The following SCIN variants were observed in gnomAD, a reference collection of about 807,000 sequenced individuals.
The protein encoded by SCIN is scinderin.
SCIN carries 91 observed loss-of-function variants against 91.8 expected under a neutral mutation model. That is an observed-to-expected ratio of 0.99 (90% CI 0.84 to 1.18). The LOEUF is 1.18. Among genes scored for constraint, SCIN ranks in the 50% most tolerant of loss-of-function variants. SCIN has a pLI of 0.00. For missense variants in SCIN, 1,087 were observed against 863.9 expected (o/e 1.26, Z -3.24); for synonymous variants, 367 against 312.6 (o/e 1.17, Z -1.84).
At chr7:12,633,553 C>A (rs1783687300) in intron 9 of SCIN, among the ~76,000 whole-genome samples, 2 of 152,072 alleles carry the variant, frequency 1.3e-5, no homozygotes, top group Admixed American at 1.3e-4. Context: ...TTCAGGGTGT[C>A]ATGAGGCAGA....
chr7:12,592,821 T>C (rs991290360), intron 3 of SCIN, among the ~76,000 whole-genome samples: 3 of 152,028 alleles, frequency 2.0e-5, no homozygotes, highest in African/African-American at 7.2e-5. Flanking sequence ...TCCTGAGAAC[T>C]CAGGCAAAGC....
At chr7:12,577,012 C>T (rs1304657087) in intron 1 of SCIN, among the ~76,000 whole-genome samples, 1 of 152,092 alleles carries the variant, frequency 6.6e-6, no homozygotes, top group Non-Finnish European at 1.5e-5. Context: ...GTACTGTATC[C>T]TTTATGTACA....
chr7:12,655,853 T>C lies in SCIN; in HGVS notation c.*3138T>C, dbSNP rs1784155072. On this transcript the variant is annotated 3_prime_UTR_variant, in exon 16 of 16. Transcript: ENST00000297029. ...CTCTTCAAACCAATATATTGGCATA[T>C]TTATCTAATATTTAATCAGAAGAAA... is the stretch of plus-strand genomic sequence containing the variant. 1.3e-5 allele frequency: 2 copies of C among 152,148 alleles called. No homozygotes were observed. The highest frequency in any genetic ancestry group is 6.5e-5 in the Admixed American group (1 of 15,280). The allele number at this position is 152,148 out of a possible 1,614,324, so 9.4% of individuals were successfully genotyped here.
At chr7:12,650,169 A>G (rs1562637978) in intron 14 of SCIN, among the ~76,000 whole-genome samples, 3 of 152,220 alleles carry the variant, frequency 2.0e-5, no homozygotes, top group Non-Finnish European at 4.4e-5. Context: ...GCCTAGTCGT[A>G]GAGTCAAGCA....
intron 2 of SCIN, among the ~76,000 whole-genome samples, chr7:12,579,405 C>T (rs1562594133): frequency 6.6e-6 from 1 of 152,140 alleles, no homozygotes; most frequent in South Asian, 2.1e-4. Flanking sequence ...ACTGAAACTT[C>T]CTTTATGTCA....
At chr7:12,586,710 A>G (rs1782595824) in intron 3 of SCIN, among the ~76,000 whole-genome samples, 1 of 152,230 alleles carries the variant, frequency 6.6e-6, no homozygotes, top group Non-Finnish European at 1.5e-5. Context: ...AATAAAGAAA[A>G]TATGGTATAC....
intron 3 of SCIN, among the ~76,000 whole-genome samples, chr7:12,591,643 G>T (rs1195928717): frequency 1.3e-5 from 2 of 152,150 alleles, no homozygotes; most frequent in Non-Finnish European, 2.9e-5. Context: ...AGGGGTTTAG[G>T]GGTTCATTGG....
intron 3 of SCIN, among the ~76,000 whole-genome samples, chr7:12,600,401 A>G (rs1215933346): frequency 6.6e-6 from 1 of 152,212 alleles, no homozygotes; most frequent in Admixed American, 6.5e-5. Context: ...GGTACAGTGT[A>G]AACTGCTCGG....
chr7:12,616,464 G>C (rs1036603049), intron 4 of SCIN, among the ~76,000 whole-genome samples: 3 of 152,036 alleles, frequency 2.0e-5, no homozygotes, highest in African/African-American at 7.2e-5. Flanking sequence ...ACCAGATTCT[G>C]CTACCTTGAT....
Position 12,604,475 on chromosome 7 carries a change from C to T in SCIN, c.517-39C>T, listed in dbSNP as rs1433737760. The T allele has an allele frequency of 2.6e-6, 4 of 1,537,918 alleles. No homozygotes were observed. In the East Asian group the frequency reaches 7.4e-5, roughly 28 times the overall value. On this transcript the variant is annotated intron_variant, in intron 3 of 15. Coordinates refer to ENST00000297029, the MANE Select transcript of SCIN (RefSeq NM_001112706.3). ...TTACACTGAGGCTGAATGTCTTCCT[C>T]ATATTCTTAGGGTCAACAGATCTGT...
intron 2 of SCIN, among the ~76,000 whole-genome samples, chr7:12,578,508 G>T (rs10248988): frequency 0.56 from 84,459 of 151,860 alleles, 24,073 homozygotes; most frequent in African/African-American, 0.68. Flanking sequence ...AGATACCTTT[G>T]TAATATTTTG....
rs11287451 is a variant in SCIN, at chr7:12,611,929, TAA to T, written c.666+7278_666+7279del. ...CATAAAGTAACCCTGTCTCTTAAAA[TAA>T]AAAAAAAAAAAGATTAAGGTTGCTT... is the stretch of plus-strand genomic sequence containing the variant. On this transcript the variant is annotated intron_variant, in intron 4 of 15. Coordinates refer to ENST00000297029, the MANE Select transcript of SCIN (RefSeq NM_001112706.3). Among the ~76,000 whole-genome samples the T allele has an allele frequency of 3.8e-3, 558 of 145,076 alleles. 2 individuals are homozygous for T. Among genetic ancestry groups the T allele is most frequent in the Non-Finnish European group, 3.7e-3 (244 of 66,054 alleles).
chr7:12,586,474 C>T lies in SCIN; in HGVS notation c.516+5253C>T, dbSNP rs552008384. ...ATGCCGAGAAAAGGGAACTCTTATACGCTGTGGTAATGTAAATTACTACAG... is the reference window on the plus strand; with the variant it reads ...ATGCCGAGAAAAGGGAACTCTTATATGCTGTGGTAATGTAAATTACTACAG... On this transcript the variant is annotated intron_variant, in intron 3 of 15. Coordinates refer to ENST00000297029, the MANE Select transcript of SCIN (RefSeq NM_001112706.3). 1.8e-4 allele frequency among the ~76,000 whole-genome samples: 28 copies of T among 152,154 alleles called. 1 individual carries two copies. Among genetic ancestry groups the T allele is most frequent in the Middle Eastern group, 3.4e-3 (1 of 294 alleles).
chr7:12,601,120 G>A (rs1398307697), intron 3 of SCIN, among the ~76,000 whole-genome samples: 1 of 152,144 alleles, frequency 6.6e-6, no homozygotes, highest in Non-Finnish European at 1.5e-5. Flanking sequence ...TAGTCCTTTT[G>A]ATTTTATTTC....
rs878921328 is a variant in SCIN at position 12,653,100 on chromosome 7, CA to C, written c.*405del. ...AGCCTGGGCAACAGAGACTCTGTCT[CA>C]AAAAAAAAAAAAAAAAAAATTAACC... On this transcript the variant is annotated 3_prime_UTR_variant, in exon 16 of 16. Coordinates refer to ENST00000297029, the MANE Select transcript of SCIN (RefSeq NM_001112706.3). This position sits in a 1 kb window ranked among gnomAD's most constrained non-coding sequence, Gnocchi z 4.1. 1,027 of 69,646 alleles carry C rather than the reference CA, an allele frequency of 0.015. 7 individuals carry two copies. Among genetic ancestry groups the C allele is most frequent in the African/African-American group, 0.034 (777 of 22,680 alleles). The allele number at this position is 69,646 out of a possible 1,614,324, so 4.3% of individuals were successfully genotyped here.
rs896836989 is a variant in SCIN at position 12,656,513 on chromosome 7, C to G, written c.*3798C>G. On this transcript the variant is annotated 3_prime_UTR_variant, in exon 16 of 16. Transcript: ENST00000297029. ...TGAATTTAAAAGCCTACAAATGCCC[C>G]GCATATGTAGAATTATCATTCATTC... 4.6e-5 allele frequency: 7 copies of G among 152,014 alleles called. No individual in the cohort carries two copies. Among genetic ancestry groups the G allele is most frequent in the African/African-American group, 1.7e-4 (7 of 41,372 alleles). 9.4% of individuals were successfully genotyped at this position (152,014 alleles called of 1,614,324 possible). A position where few individuals can be genotyped will look rare whatever the true frequency, so the allele number is the denominator to read the frequency against.
Position 12,570,867 on chromosome 7 carries a change from G to A in SCIN, c.81G>A (p.Leu27=). ...TGCAGGTCTGGAGGATTGAGAAGCT[G>A]GAGCTGGTGCCCGTGCCCCAGAGCG... The part of the protein sequence containing the change: ...AGLQVWRIEK[L]ELVPVPQSAH... Residue 27 remains leucine (L), a synonymous_variant, in exon 1 of 16, where the codon CTG becomes CTA. Coordinates refer to ENST00000297029, the MANE Select transcript of SCIN (RefSeq NM_001112706.3). The A allele has an allele frequency of 6.4e-7, 1 of 1,551,622 alleles. No homozygotes were observed. Among genetic ancestry groups the A allele is most frequent in the Non-Finnish European group, 8.7e-7 (1 of 1,146,988 alleles).
chr7:12,587,634 C>G (rs150001402), intron 3 of SCIN, among the ~76,000 whole-genome samples: 2 of 152,174 alleles, frequency 1.3e-5, no homozygotes, highest in Non-Finnish European at 2.9e-5. Flanking sequence ...TTGTGGGACA[C>G]GGTATCCTCA....
chr7:12,608,800 C>T (rs1400540856), intron 4 of SCIN, among the ~76,000 whole-genome samples: 1 of 152,112 alleles, frequency 6.6e-6, no homozygotes, highest in Non-Finnish European at 1.5e-5. Flanking sequence ...TTAAAAGACT[C>T]ATTTCTAATG....
Sources: gnomAD v4.1 joint callset for allele counts (sites outside exome capture counted in the v4.1 genomes callset) on GRCh38, gnomAD v4.1.1 for gene constraint, Gnocchi (gnomAD v3.1) non-coding constraint, MANE v1.5 for transcripts, NCBI Gene and HGNC (gene_info 2026-07-23, HGNC 2026-07-21) for gene names.